SPATA13: variants seen among roughly 807,000 people sequenced by gnomAD.
The protein encoded by SPATA13 is spermatogenesis-associated protein 13.
Under a neutral mutation model 104.0 loss-of-function variants are expected in SPATA13, and 50 were observed. The ratio of observed to expected loss-of-function variants is 0.48; its 90% CI spans 0.38 to 0.61. The LOEUF (loss-of-function observed/expected upper bound fraction) is 0.61, where lower values mean the gene tolerates loss of function less well. SPATA13 is among the 20% of genes least tolerant of loss of function. The pLI is 0.00. For synonymous variants in SPATA13, 606 were observed against 667.5 expected, an observed-to-expected ratio of 0.91 and a Z score of 1.42; for missense variants, 1,524 against 1,690.6, an observed-to-expected ratio of 0.90 and a Z score of 1.73.
chr13:24,266,299 TATAGAG>T (rs1874292232), intron 4 of SPATA13, among the ~76,000 whole-genome samples: 1 of 152,226 alleles, frequency 6.6e-6, no homozygotes, highest in Admixed American at 6.5e-5. Context: ...TTTTAATTTT[TATAGAG>T]ATAATGTCTT....
intron 1 of SPATA13, among the ~76,000 whole-genome samples, chr13:24,168,554 T>C (rs922377314): frequency 4.6e-5 from 7 of 150,706 alleles, no homozygotes; most frequent in Non-Finnish European, 8.8e-5. Context: ...CTGGGGAAAC[T>C]TTTGTATCGC....
chr13:24,040,010 G>A (rs1877855164), intron 3 of SPATA13, among the ~76,000 whole-genome samples: 2 of 152,256 alleles, frequency 1.3e-5, no homozygotes, highest in African/African-American at 2.4e-5. Flanking sequence ...GACTGAAGCC[G>A]GGCAATGTTT....
At chr13:24,181,018 G>T (rs1009473128) in intron 1 of SPATA13, among the ~76,000 whole-genome samples, 5 of 152,156 alleles carry the variant, frequency 3.3e-5, no homozygotes, top group African/African-American at 1.2e-4. Flanking sequence ...AATACTGTAG[G>T]CAGCTGTAAC....
chr13:24,132,082 A>G (rs1265607986), intron 3 of SPATA13, among the ~76,000 whole-genome samples: 1 of 152,194 alleles, frequency 6.6e-6, no homozygotes, highest in Non-Finnish European at 1.5e-5. Context: ...AGTAGCTGAC[A>G]TGTGTTACTT....
chr13:24,265,852 C>T (rs1427785126), intron 4 of SPATA13, among the ~76,000 whole-genome samples: 1 of 152,070 alleles, frequency 6.6e-6, no homozygotes, highest in Non-Finnish European at 1.5e-5. Context: ...TATGTCTGTA[C>T]CATGAAGGGA....
intron 3 of SPATA13, among the ~76,000 whole-genome samples, chr13:24,031,288 A>T (rs7318680): frequency 6.6e-6 from 1 of 152,194 alleles, no homozygotes; most frequent in South Asian, 2.1e-4. Context: ...GGTCTGGTCC[A>T]TAGCATAACT....
intron 3 of SPATA13, among the ~76,000 whole-genome samples, chr13:24,099,333 A>G (rs987341417): frequency 4.6e-5 from 7 of 152,224 alleles, no homozygotes; most frequent in African/African-American, 9.7e-5. Context: ...GCAAATCCCA[A>G]TGAAATTAAA....
At chr13:24,118,916 T>TTTTCTTTTCTTTC (rs1880942640) in intron 3 of SPATA13, among the ~76,000 whole-genome samples, 1 of 62,722 alleles carries the variant, frequency 1.6e-5, no homozygotes, top group Non-Finnish European at 4.1e-5. Context: ...CTTTTCTTTT[T>TTTTCTTTTCTTTC]TTTTTTTGAG....
In SPATA13 at chr13:24,234,047, AT is replaced by A. The variant is rs533769152; in HGVS notation, c.1653+9469del. Among the ~76,000 whole-genome samples, 552 of 152,174 alleles carry A rather than the reference AT, an allele frequency of 3.6e-3. 3 individuals carry two copies. Among genetic ancestry groups the A allele is most frequent in the African/African-American group, 0.013 (527 of 41,506 alleles). ...CTCTAGTGAGATACCATTAAATAGGATTTTCTCATTAAAAATAAGGGGGGAG... is the reference window on the plus strand; with the variant it reads ...CTCTAGTGAGATACCATTAAATAGGATTTCTCATTAAAAATAAGGGGGGAG... On this transcript the variant is annotated intron_variant, in intron 2 of 12. Transcript: ENST00000382108.
chr13:24,015,389 C>T (rs1876663783), intron 2 of SPATA13, among the ~76,000 whole-genome samples: 1 of 152,334 alleles, frequency 6.6e-6, no homozygotes, highest in South Asian at 2.1e-4. Context: ...GAGGAACTAG[C>T]TGGACTGTAC....
chr13:24,235,347 C>T (rs1236022337), intron 2 of SPATA13, among the ~76,000 whole-genome samples: 1 of 152,202 alleles, frequency 6.6e-6, no homozygotes, highest in Admixed American at 6.5e-5. Context: ...CAGGCTGAGG[C>T]TCCTCTAGGT....
At chr13:24,217,458 TCAGC>T (rs1871318345) in intron 1 of SPATA13, among the ~76,000 whole-genome samples, 1 of 152,162 alleles carries the variant, frequency 6.6e-6, no homozygotes, top group African/African-American at 2.4e-5. Flanking sequence ...AGCAGCCCCT[TCAGC>T]CAGTCATTCA....
intron 2 of SPATA13, among the ~76,000 whole-genome samples, chr13:24,014,565 AAG>A (rs1264588276): frequency 1.3e-5 from 2 of 152,232 alleles, no homozygotes; most frequent in African/African-American, 4.8e-5. Flanking sequence ...AATCATAAGA[AAG>A]AGAAAATATA....
At chr13:24,196,361 C>T (rs1414040852) in intron 1 of SPATA13, among the ~76,000 whole-genome samples, 1 of 152,064 alleles carries the variant, frequency 6.6e-6, no homozygotes, top group Non-Finnish European at 1.5e-5. Flanking sequence ...TTTAATGTTA[C>T]ATAATAGGTA....
intron 3 of SPATA13, among the ~76,000 whole-genome samples, chr13:24,028,428 C>T (rs12430286): frequency 0.24 from 36,806 of 152,074 alleles, 4,736 homozygotes; most frequent in Admixed American, 0.29. Flanking sequence ...TTAGTTTCTC[C>T]TAGTACTTTA....
At chr13:24,191,650 C>A (rs907156585) in intron 1 of SPATA13, among the ~76,000 whole-genome samples, 14 of 151,740 alleles carry the variant, frequency 9.2e-5, no homozygotes, top group Non-Finnish European at 2.1e-4. Context: ...GCTGGGACTA[C>A]AGGCGCCCGC....
intron 2 of SPATA13, among the ~76,000 whole-genome samples, chr13:24,010,785 G>A (rs1876438477): frequency 6.6e-6 from 1 of 152,064 alleles, no homozygotes; most frequent in Non-Finnish European, 1.5e-5. Flanking sequence ...AAGCAAGGCA[G>A]GGCCAGTGCC....
intron 3 of SPATA13, among the ~76,000 whole-genome samples, chr13:24,107,652 A>G (rs1478416656): frequency 6.6e-6 from 1 of 152,236 alleles, no homozygotes; most frequent in East Asian, 1.9e-4. Flanking sequence ...CAGCCCAATG[A>G]CAGCGCCTAC....
intron 1 of SPATA13, among the ~76,000 whole-genome samples, chr13:24,216,089 G>A (rs1179051279): frequency 1.3e-5 from 2 of 152,204 alleles, no homozygotes; most frequent in Admixed American, 6.5e-5. Flanking sequence ...GCCTTCCAAG[G>A]TTGCTGTGAG....
Sources: gnomAD v4.1 joint callset for allele counts (sites outside exome capture counted in the v4.1 genomes callset) on GRCh38, gnomAD v4.1.1 for gene constraint, MANE v1.5 for transcripts, NCBI Gene and HGNC (gene_info 2026-07-23, HGNC 2026-07-21) for gene names.